Variants in IL1RAPL2 observed in about 807,000 individuals in gnomAD.
IL1RAPL2 encodes the protein X-linked interleukin-1 receptor accessory protein-like 2.
IL1RAPL2 carries 3 observed loss-of-function variants against 44.1 expected under a neutral mutation model. The observed-to-expected ratio is 0.07, with a 90% CI of 0.03 to 0.18. The LOEUF is 0.18. Among genes scored for constraint, IL1RAPL2 ranks in the 10% least tolerant of loss-of-function variants. The pLI is 1.00. For synonymous variants in IL1RAPL2, 181 were observed against 178.8 expected, an observed-to-expected ratio of 1.01 and a Z score of -0.10; for missense variants, 391 against 496.4, an observed-to-expected ratio of 0.79 and a Z score of 2.02.
chrX:105,696,755 G>A lies in IL1RAPL2; in HGVS notation c.773-20612G>A, dbSNP rs1235962879. Among the ~76,000 whole-genome samples the A allele has an allele frequency of 3.6e-5, 4 of 111,202 alleles. No homozygotes were observed. In the South Asian group the frequency reaches 1.1e-3, roughly 32 times the overall value. On this transcript the variant is annotated intron_variant, in intron 6 of 10. Coordinates refer to ENST00000372582, the MANE Select transcript of IL1RAPL2 (RefSeq NM_017416.2). The stretch of plus-strand genomic sequence containing the variant: ...AGCCCTGTTATCTGGTTTCCTCTCC[G>A]GGGACCAGGAAAAACCTAGCCAGGT...
chrX:104,848,306 A>T (rs986725382), intron 2 of IL1RAPL2, among the ~76,000 whole-genome samples: 6 of 107,501 alleles, frequency 5.6e-5, no homozygotes, highest in African/African-American at 1.7e-4. Flanking sequence ...CAATATGTTT[A>T]AACTTTTAGT....
chrX:104,928,885 G>A (rs1383461570), intron 2 of IL1RAPL2, among the ~76,000 whole-genome samples: 1 of 111,028 alleles, frequency 9.0e-6, no homozygotes, highest in Admixed American at 9.6e-5. Context: ...GATTGAAGGT[G>A]ATAATATAAA....
intron 2 of IL1RAPL2, among the ~76,000 whole-genome samples, chrX:104,757,515 G>T (rs1932359770): frequency 9.0e-6 from 1 of 111,634 alleles, no homozygotes; most frequent in Admixed American, 9.5e-5. Context: ...AAAGCCATAA[G>T]ATTGGGTGAA....
intron 6 of IL1RAPL2, 55 bp from the exon 7 acceptor site, chrX:105,717,312 G>T: frequency 9.4e-7 from 1 of 1,068,541 alleles, no homozygotes; most frequent in Non-Finnish European, 1.2e-6. Context: ...GTCGCTTCCT[G>T]TCTCCCACTG....
intron 5 of IL1RAPL2, among the ~76,000 whole-genome samples, chrX:105,425,232 A>G (rs1450195423): frequency 7.2e-5 from 8 of 111,482 alleles, no homozygotes; most frequent in African/African-American, 2.0e-4. Context: ...TTTGAGGTCA[A>G]CAACTCTCTG....
At chrX:104,605,269 A>G (rs1395449137) in intron 1 of IL1RAPL2, among the ~76,000 whole-genome samples, 1 of 111,781 alleles carries the variant, frequency 8.9e-6, no homozygotes, top group African/African-American at 3.3e-5. Flanking sequence ...TGTGAGACAA[A>G]TGAGAACAAA....
At chrX:104,907,553 G>C (rs1039805794) in intron 2 of IL1RAPL2, among the ~76,000 whole-genome samples, 1 of 111,631 alleles carries the variant, frequency 9.0e-6, no homozygotes, top group Non-Finnish European at 1.9e-5. Context: ...CCTTCATTTC[G>C]TTATGTACCC....
At chrX:105,076,838 C>T (rs1271746865) in intron 2 of IL1RAPL2, among the ~76,000 whole-genome samples, 1 of 111,019 alleles carries the variant, frequency 9.0e-6, no homozygotes, top group Non-Finnish European at 1.9e-5. Flanking sequence ...GGTTTAAAGT[C>T]TGTTTTATCC....
chrX:105,172,800 G>C (rs1419914692), intron 2 of IL1RAPL2, among the ~76,000 whole-genome samples: 1 of 111,176 alleles, frequency 9.0e-6, no homozygotes, highest in Admixed American at 9.6e-5. Flanking sequence ...CTGGAGATGA[G>C]AATGGGGGCA....
intron 2 of IL1RAPL2, among the ~76,000 whole-genome samples, chrX:105,074,317 G>C (rs2032256245): frequency 9.0e-6 from 1 of 111,527 alleles, no homozygotes; most frequent in African/African-American, 3.3e-5. Flanking sequence ...CCCATTTCTT[G>C]TTTTTGTCAG....
chrX:105,124,477 T>C (rs189041250), intron 2 of IL1RAPL2, among the ~76,000 whole-genome samples: 1 of 110,746 alleles, frequency 9.0e-6, no homozygotes, highest in Admixed American at 9.6e-5. Flanking sequence ...TATGCCTATT[T>C]ATAGGCTCAT....
At chrX:104,594,862 CAAAGAGCTTAGTGAATTGGTTTTGGGGA>C (rs767185118) in intron 1 of IL1RAPL2, among the ~76,000 whole-genome samples, 1 of 111,227 alleles carries the variant, frequency 9.0e-6, no homozygotes, top group Non-Finnish European at 1.9e-5. Flanking sequence ...CCTGAGGTGG[CAAAGAGCTTAGTGAATTGGTTTTGGGGA>C]AAAGAGCAGT....
intron 6 of IL1RAPL2, among the ~76,000 whole-genome samples, chrX:105,538,445 T>TA (rs1196659416): frequency 1.8e-5 from 2 of 111,576 alleles, no homozygotes; most frequent in African/African-American, 6.5e-5. Context: ...ACTTTTCTAA[T>TA]ACATTTTACA....
intron 2 of IL1RAPL2, among the ~76,000 whole-genome samples, chrX:105,012,503 A>T (rs910143277): frequency 4.6e-5 from 5 of 109,623 alleles, no homozygotes; most frequent in African/African-American, 1.7e-4. Flanking sequence ...ATCAATGCAG[A>T]TATTGCGGGC....
chrX:105,013,924 G>T (rs753804649), intron 2 of IL1RAPL2, among the ~76,000 whole-genome samples: 6 of 112,036 alleles, frequency 5.4e-5, no homozygotes, highest in Non-Finnish European at 1.1e-4. Flanking sequence ...ATAAGCTACT[G>T]GTAAACAGGG....
intron 2 of IL1RAPL2, among the ~76,000 whole-genome samples, chrX:104,691,105 T>A (rs1931084692): frequency 8.9e-6 from 1 of 112,231 alleles, no homozygotes; most frequent in Non-Finnish European, 1.9e-5. Flanking sequence ...AGATCTGCAA[T>A]CAGTAGAGGT....
intron 1 of IL1RAPL2, among the ~76,000 whole-genome samples, chrX:104,588,966 G>T (rs1421820363): frequency 8.9e-6 from 1 of 111,921 alleles, no homozygotes; most frequent in Non-Finnish European, 1.9e-5. Flanking sequence ...TTTTGTAATG[G>T]TATGAAATAT....
At chrX:105,597,309 G>T (rs1480914653) in intron 6 of IL1RAPL2, among the ~76,000 whole-genome samples, 2 of 111,723 alleles carry the variant, frequency 1.8e-5, no homozygotes, top group Non-Finnish European at 3.8e-5. Flanking sequence ...TCACAATGAA[G>T]TATCACCTCA....
At chrX:104,642,035 A>G (rs1010779642) in intron 1 of IL1RAPL2, among the ~76,000 whole-genome samples, 1 of 111,311 alleles carries the variant, frequency 9.0e-6, no homozygotes, top group African/African-American at 3.3e-5. Context: ...GGGTTCTCCC[A>G]TAGCCAAGAT....
Sources: gnomAD v4.1 joint callset for allele counts (sites outside exome capture counted in the v4.1 genomes callset) on GRCh38, gnomAD v4.1.1 for gene constraint, MANE v1.5 for transcripts, NCBI Gene and HGNC (gene_info 2026-07-23, HGNC 2026-07-21) for gene names.